Variants in NPAT observed in about 807,000 individuals in gnomAD.
The protein encoded by NPAT is nuclear protein, coactivator of histone transcription.
Under a neutral mutation model 130.7 loss-of-function variants are expected in NPAT, and 52 were observed. That is an observed-to-expected ratio of 0.40 (90% CI 0.32 to 0.50). NPAT has a LOEUF of 0.50. NPAT is among the 20% of genes least tolerant of loss of function. The probability of loss-of-function intolerance (pLI) is 0.68; values close to 1 mark genes in which losing one functional copy is unlikely to be tolerated. For synonymous variants in NPAT, 580 were observed against 584.8 expected (o/e 0.99, Z 0.12); for missense variants, 1,687 against 1,662.6 (o/e 1.01, Z -0.26).
chr11:108,199,413 C>A (rs1249752267), intron 1 of NPAT, among the ~76,000 whole-genome samples: 1 of 152,162 alleles, frequency 6.6e-6, no homozygotes, highest in Non-Finnish European at 1.5e-5. Context: ...CGAGCGAGGC[C>A]CAGGCAGGCG....
intron 4 of NPAT, 47 bp downstream of exon 4, chr11:108,192,071 T>G (rs758413387): frequency 1.6e-6 from 2 of 1,237,572 alleles, no homozygotes; most frequent in Non-Finnish European, 2.4e-6. Flanking sequence ...AAACCCAAAG[T>G]GTATTTGCAT....
Position 108,189,150 on chromosome 11 carries a change from T to G in NPAT, c.512A>C (p.Tyr171Ser), listed in dbSNP as rs1329438019. 6.2e-7 allele frequency: 1 copy of G among 1,614,176 alleles called. No homozygotes were observed. The highest frequency in any genetic ancestry group is 8.5e-7 in the Non-Finnish European group (1 of 1,180,014). Reference protein sequence around the residue: ...SGQISDPSRSYFVVVNHSQSQ... With the variant: ...SGQISDPSRSSFVVVNHSQSQ... ...CTGTGAGTGGTTGACCACTACAAAA[T>G]ATGACCTCGATGGATCTGAAATTTG... Residue 171 changes from tyrosine to serine, a missense_variant, in exon 6 of 18, where the codon TAT becomes TCT. By Grantham distance (144) the Tyr-to-Ser change is moderately radical (BLOSUM62 -2). Transcript: ENST00000278612.
At chr11:108,176,602 T>C (rs977515012) in intron 11 of NPAT, among the ~76,000 whole-genome samples, 1 of 152,246 alleles carries the variant, frequency 6.6e-6, no homozygotes, top group Admixed American at 6.5e-5. Flanking sequence ...AGTTCTCAGA[T>C]AATGCTGAGA....
In NPAT at chr11:108,172,638, T is replaced by G; in HGVS notation, c.2346A>C (p.Lys782Asn). The G allele has an allele frequency of 6.2e-7, 1 of 1,614,174 alleles. No individual in the cohort carries two copies. The highest frequency in any genetic ancestry group is 8.5e-7 in the Non-Finnish European group (1 of 1,180,020). Residue 782 changes from lysine to asparagine, a missense_variant, in exon 13 of 18, where the codon AAA becomes AAC. By Grantham distance (94) the Lys-to-Asn change is moderately conservative. This residue lies in a region of NPAT where 1,379 missense variants were observed against 1,346.6 expected (regional missense o/e 1.02). Transcript: ENST00000278612. ...ATAGGCATTTAACTAGTTCTGCATT[T>G]TTAGTAGGTGATTTAGTAGGAGAAG... Reference protein sequence around the residue: ...ILSSPTKSPTKNAELVKCLSS... With the variant: ...ILSSPTKSPTNNAELVKCLSS...
rs547409854 is a variant in NPAT, at chr11:108,181,235, G to A, written c.906+3997C>T. ...TCCCAGCACTTTGGGAGGCCGAGGC[G>A]GGCAGATCACCCGAGGTCAGGAGTT... On this transcript the variant is annotated intron_variant, in intron 10 of 17. Transcript: ENST00000278612. Among the ~76,000 whole-genome samples, 20 of 152,236 alleles carry A rather than the reference G, an allele frequency of 1.3e-4. No individual in the cohort carries two copies. The South Asian group carries it at 3.5e-3, about 27-fold the overall frequency.
At chr11:108,198,717 C>A (rs1666276182) in intron 1 of NPAT, among the ~76,000 whole-genome samples, 1 of 152,158 alleles carries the variant, frequency 6.6e-6, no homozygotes, top group Admixed American at 6.5e-5. Flanking sequence ...CCATTCTGAG[C>A]CCATGAAAAC....
chr11:108,181,753 C>T (rs1591396629), intron 10 of NPAT, among the ~76,000 whole-genome samples: 1 of 150,864 alleles, frequency 6.6e-6, no homozygotes, highest in African/African-American at 2.4e-5. Flanking sequence ...AAAAAAAAAT[C>T]CTCCTCCTAA....
At chr11:108,200,181 G>A (rs980304301) in intron 1 of NPAT, among the ~76,000 whole-genome samples, 2 of 152,180 alleles carry the variant, frequency 1.3e-5, no homozygotes, top group Non-Finnish European at 2.9e-5. Flanking sequence ...CATGTCAGGA[G>A]TCAGCACAGT....
intron 4 of NPAT, among the ~76,000 whole-genome samples, chr11:108,191,770 G>A (rs1329433395): frequency 1.3e-5 from 2 of 152,114 alleles, no homozygotes; most frequent in South Asian, 2.1e-4. Context: ...TGGGTTCAAC[G>A]CATCAATTCT....
intron 1 of NPAT, among the ~76,000 whole-genome samples, chr11:108,210,112 A>G (rs2078370635): frequency 6.6e-6 from 1 of 151,362 alleles, no homozygotes; most frequent in African/African-American, 2.4e-5. Flanking sequence ...ATTATACTAG[A>G]TCAGAAAAGT....
chr11:108,207,548 G>A (rs1433111884), intron 1 of NPAT, among the ~76,000 whole-genome samples: 1 of 152,266 alleles, frequency 6.6e-6, no homozygotes, highest in East Asian at 1.9e-4. Flanking sequence ...TCCAGAGGGG[G>A]ACCGAGGCAG....
rs2078096619 is a variant in NPAT at position 108,185,284 on chromosome 11, T to G, written c.854A>C (p.Asp285Ala). 6.2e-7 allele frequency: 1 copy of G among 1,612,306 alleles called. No individual in the cohort carries two copies. Among genetic ancestry groups the G allele is most frequent in the Admixed American group, 1.7e-5 (1 of 59,922 alleles). ...AGTCTCTGGCTCCGTAGGGTTGTTA[T>G]CTGTTTGCTTAGGTACTTGGGCAAT... is the stretch of plus-strand genomic sequence containing the variant. Reference protein sequence around the residue: ...NNIAQVPKQTDNNPTEPETSI... With the variant: ...NNIAQVPKQTANNPTEPETSI... The change falls in exon 10 of 18, where the codon GAT (aspartate) becomes GCT (alanine). Residue 285 changes from aspartate to alanine, a missense_variant. By Grantham distance (126) the Asp-to-Ala change is moderately radical (BLOSUM62 -2). This residue lies in a region of NPAT where 1,379 missense variants were observed against 1,346.6 expected (regional missense o/e 1.02). Coordinates refer to ENST00000278612, the MANE Select transcript of NPAT (RefSeq NM_002519.3).
chr11:108,194,083 A>G lies in NPAT; in HGVS notation c.157-66T>C, dbSNP rs144673467. 2.4e-4 allele frequency: 211 copies of G among 863,322 alleles called. 2 individuals carry two copies. In the East Asian group the frequency reaches 4.1e-3, roughly 17 times the overall value. 53.5% of individuals were successfully genotyped at this position (863,322 alleles called of 1,614,324 possible). A position where few individuals can be genotyped will look rare whatever the true frequency, so the allele number is the denominator to read the frequency against. On this transcript the variant is annotated intron_variant, in intron 2 of 17. Transcript: ENST00000278612. ...ACTACCAATAATTTCTCACAAGAAA[A>G]GATTCTACCATTCAACTTAATAAAA...
Position 108,160,998 on chromosome 11 carries a change from G to C in NPAT, c.4088C>G (p.Ser1363Ter). The change falls in exon 17 of 18, where the codon TCA (serine) becomes TGA (stop). Residue 1363 changes from serine to a stop codon, truncating the protein, a stop_gained. Coordinates refer to ENST00000278612, the MANE Select transcript of NPAT (RefSeq NM_002519.3). LOFTEE classifies it high-confidence loss of function. ...KDNTQQFRASSRSTTKKRKIE... is the reference protein window; with the variant it reads ...KDNTQQFRAS ...TTTCCGCTTTTTTGTGGTGCTCCTT[G>C]AAGATGCTCTAAACTGTTGTGTGTT... 6.2e-7 allele frequency: 1 copy of C among 1,614,140 alleles called. No individual in the cohort carries two copies. Among genetic ancestry groups the C allele is most frequent in the Non-Finnish European group, 8.5e-7 (1 of 1,180,024 alleles).
chr11:108,213,980 T>G lies in NPAT; in HGVS notation c.37+8520A>C, dbSNP rs1428171338. On this transcript the variant is annotated intron_variant, in intron 1 of 17. Coordinates refer to ENST00000278612, the MANE Select transcript of NPAT (RefSeq NM_002519.3). ...ATAGCTCACTATAACCTTGAACTCC[T>G]GGGCTGAAGTGATCCTCCCACTTCA... 2.0e-5 allele frequency among the ~76,000 whole-genome samples: 3 copies of G among 152,162 alleles called. No individual in the cohort carries two copies. The East Asian group carries it at 5.8e-4, about 29-fold the overall frequency.
At chr11:108,164,836 C>A (rs2077886017) in intron 15 of NPAT, among the ~76,000 whole-genome samples, 1 of 151,994 alleles carries the variant, frequency 6.6e-6, no homozygotes, top group Non-Finnish European at 1.5e-5. Context: ...ACACGGAGAA[C>A]CCCGTCTCTA....
chr11:108,200,375 A>C (rs2078263860), intron 1 of NPAT, among the ~76,000 whole-genome samples: 1 of 152,126 alleles, frequency 6.6e-6, no homozygotes, highest in Non-Finnish European at 1.5e-5. Flanking sequence ...TTGTTTACCC[A>C]TGCCTTTTAA....
chr11:108,208,309 C>A (rs1490278500), intron 1 of NPAT: 1 of 330,510 alleles, frequency 3.0e-6, no homozygotes. Flanking sequence ...AAGGTCAATC[C>A]ACAAAAAGAT....
At chr11:108,166,920 T>TATAC (rs1373704168) in intron 15 of NPAT, among the ~76,000 whole-genome samples, 2 of 152,216 alleles carry the variant, frequency 1.3e-5, no homozygotes, top group African/African-American at 2.4e-5. Flanking sequence ...CTCTTCTATT[T>TATAC]ATACATCCTT....
Sources: allele counts gnomAD v4.1 joint callset (sites outside exome capture counted in the v4.1 genomes callset), GRCh38; gene constraint gnomAD v4.1.1; regional missense constraint gnomAD v4.1.1; transcripts MANE v1.5; gene names NCBI Gene and HGNC (gene_info 2026-07-23, HGNC 2026-07-21).